Variants in ADGB observed in about 807,000 individuals in gnomAD.
ADGB encodes androglobin.
A neutral mutation model predicts 210.5 loss-of-function variants in ADGB; 172 were observed. The observed-to-expected ratio is 0.82, with a 90% CI of 0.72 to 0.93. The LOEUF (loss-of-function observed/expected upper bound fraction) is 0.93, where lower values mean the gene tolerates loss of function less well. Among genes scored for constraint, ADGB ranks in the 40% least tolerant of loss-of-function variants. The pLI is 0.00. For missense variants in ADGB, 2,025 were observed against 1,964.8 expected (o/e 1.03, Z -0.58); for synonymous variants, 658 against 662.7 (o/e 0.99, Z 0.11).
At chr6:146,749,202 A>T (rs1302138782) in intron 26 of ADGB, among the ~76,000 whole-genome samples, 2 of 152,184 alleles carry the variant, frequency 1.3e-5, no homozygotes, top group Non-Finnish European at 2.9e-5. Context: ...GGAGAAGCTC[A>T]TTTGCAAGGT....
At chr6:146,657,084 C>G in intron 5 of ADGB, 104 bp downstream of exon 5, 1 of 1,065,620 alleles carries the variant, frequency 9.4e-7, no homozygotes, top group Non-Finnish European at 1.4e-6. Flanking sequence ...CTTTGGGAGG[C>G]AAAGGCCAAG....
intron 12 of ADGB, 56 bp from the exon 13 acceptor site, chr6:146,700,885 T>C (rs1776479918): frequency 1.3e-6 from 2 of 1,505,914 alleles, no homozygotes; most frequent in African/African-American, 1.4e-5. Flanking sequence ...TATTTATTAA[T>C]AACTTTAAAC....
At position 146,754,069 on chromosome 6, in the gene ADGB, A is replaced by G. The variant is rs531367602; in HGVS notation, c.3550+1355A>G. Among the ~76,000 whole-genome samples the G allele has an allele frequency of 2.6e-5, 4 of 151,548 alleles. No individual in the cohort carries two copies. In the East Asian group the frequency reaches 7.7e-4, roughly 29 times the overall value. On this transcript the variant is annotated intron_variant, in intron 27 of 35. Transcript: ENST00000397944. The stretch of plus-strand genomic sequence containing the variant: ...AGAGACATTCATTTGTTTTTTCACT[A>G]TATAAGAAAATAATTTCCAAGGTTA...
intron 1 of ADGB, among the ~76,000 whole-genome samples, chr6:146,623,191 T>A (rs184938101): frequency 1.3e-5 from 2 of 152,060 alleles, no homozygotes; most frequent in African/African-American, 4.8e-5. Context: ...AGATTTAGAA[T>A]CAACTTGTCA....
At chr6:146,721,306 T>C in intron 16 of ADGB, 97 bp from the exon 17 acceptor site, 3 of 768,922 alleles carry the variant, frequency 3.9e-6, no homozygotes, top group Non-Finnish European at 6.5e-6. Context: ...GTAAGTTTCC[T>C]GTAACTCTTA....
At chr6:146,803,800 T>A in intron 35 of ADGB, 1 of 522,266 alleles carries the variant, frequency 1.9e-6, no homozygotes, top group Admixed American at 3.6e-5. Flanking sequence ...AGAGCGTCCC[T>A]CGGCTTCTGG....
Position 146,782,016 on chromosome 6 carries a change from C to T in ADGB, c.3863-4C>T. ...CACCATTTTTTATTTTTATGTCTCT[C>T]TAGCTTATGGTGAAAGACACGAGGA... is the stretch of plus-strand genomic sequence containing the variant. On this transcript the variant is annotated splice_region_variant and splice_polypyrimidine_tract_variant and intron_variant, in intron 29 of 35. Coordinates refer to ENST00000397944, the MANE Select transcript of ADGB (RefSeq NM_024694.4). 6.8e-7 allele frequency: 1 copy of T among 1,468,936 alleles called. No homozygotes were observed. The highest frequency in any genetic ancestry group is 9.0e-7 in the Non-Finnish European group (1 of 1,114,894). 91.0% of individuals were successfully genotyped at this position (1,468,936 alleles called of 1,614,324 possible).
chr6:146,700,846 G>T (rs1776479311), intron 12 of ADGB, 95 bp from the exon 13 acceptor site: 3 of 1,366,066 alleles, frequency 2.2e-6, no homozygotes, highest in Non-Finnish European at 3.0e-6. Flanking sequence ...AACACAATCA[G>T]AACTTTCTAT....
At chr6:146,715,534 A>G in intron 14 of ADGB, 119 bp downstream of exon 14, 1 of 614,572 alleles carries the variant, frequency 1.6e-6, no homozygotes. Context: ...GTCTCCTTTG[A>G]TTTGCTGAGT....
chr6:146,792,259 A>C (rs1777965091), intron 33 of ADGB, among the ~76,000 whole-genome samples: 1 of 152,178 alleles, frequency 6.6e-6, no homozygotes, highest in Non-Finnish European at 1.5e-5. Flanking sequence ...TTCTCTGAAG[A>C]ACGACATTAG....
At chr6:146,808,971 C>T (rs542351110) in intron 35 of ADGB, among the ~76,000 whole-genome samples, 197 of 151,882 alleles carry the variant, frequency 1.3e-3, no homozygotes, top group Middle Eastern at 6.8e-3. Context: ...GCGAAGGCCT[C>T]GAGCTGTGGG....
At chr6:146,730,336 C>A (rs1215503745) in intron 20 of ADGB, among the ~76,000 whole-genome samples, 1 of 149,502 alleles carries the variant, frequency 6.7e-6, no homozygotes, top group East Asian at 2.0e-4. Context: ...ACATCACAGA[C>A]AATCTGCTAA....
In ADGB at chr6:146,772,423, T is replaced by TTATATA. The variant is rs146190439; in HGVS notation, c.3862+3300_3862+3305dup. ...TAGTTAAATATATATATTATATTTA[T>TTATATA]TATATATATATATCACACAGCTGGT... On this transcript the variant is annotated intron_variant, in intron 29 of 35. Transcript: ENST00000397944. 1.1e-3 allele frequency among the ~76,000 whole-genome samples: 166 copies of TTATATA among 145,354 alleles called. 2 individuals are homozygous for TTATATA. Among genetic ancestry groups the TTATATA allele is most frequent in the South Asian group, 5.1e-3 (24 of 4,722 alleles).
chr6:146,663,891 T>C (rs1775901974), intron 5 of ADGB, among the ~76,000 whole-genome samples: 1 of 152,140 alleles, frequency 6.6e-6, no homozygotes, highest in Admixed American at 6.6e-5. Flanking sequence ...AATGTTTTGG[T>C]TCTGGTCCTT....
chr6:146,663,186 T>C, intron 5 of ADGB, among the ~76,000 whole-genome samples: 1 of 143,464 alleles, frequency 7.0e-6, no homozygotes, highest in East Asian at 2.0e-4. Context: ...ATATATTATA[T>C]ATAATAATAT....
At chr6:146,804,882 G>T (rs1004666609) in intron 35 of ADGB, among the ~76,000 whole-genome samples, 1 of 152,184 alleles carries the variant, frequency 6.6e-6, no homozygotes, top group Non-Finnish European at 1.5e-5. Context: ...AAATATTTAT[G>T]TTGCATCTAC....
chr6:146,700,960 A>C lies in ADGB; in HGVS notation c.1597A>C (p.Ile533Leu). ...PTEMHFVRSL[I>L]KKGIPPGSDL... ...TTTTAGGCATTTTGTGCGCTCCTTAATTAAGAAAGGAATACCTCCAGGATC... is the reference window on the plus strand; with the variant it reads ...TTTTAGGCATTTTGTGCGCTCCTTACTTAAGAAAGGAATACCTCCAGGATC... Residue 533 changes from isoleucine to leucine, a missense_variant, in exon 13 of 36, where the codon ATT becomes CTT. By Grantham distance (5) the Ile-to-Leu change is conservative. Transcript: ENST00000397944. 1 of 1,550,814 alleles carries C rather than the reference A, an allele frequency of 6.4e-7. No homozygotes were observed. The highest frequency in any genetic ancestry group is 8.7e-7 in the Non-Finnish European group (1 of 1,146,370).
At position 146,691,124 on chromosome 6, in the gene ADGB, T is replaced by C. The variant is rs1458781372; in HGVS notation, c.1320T>C (p.Ser440=). The C allele has an allele frequency of 1.3e-6, 2 of 1,521,302 alleles. No individual in the cohort carries two copies. 94.2% of individuals were successfully genotyped at this position (1,521,302 alleles called of 1,614,324 possible). The part of the protein sequence containing the change: ...KIFSLEKMAD[S]AEKLREYGLS... Reference sequence around the variant, plus strand: ...TACTTTCCATCTTCTAGGCAGATTCTGCTGAGAAACTTAGAGAATATGGGC... The same window carrying C: ...TACTTTCCATCTTCTAGGCAGATTCCGCTGAGAAACTTAGAGAATATGGGC... Residue 440 remains serine, a synonymous_variant, in exon 11 of 36, where the codon TCT becomes TCC. Coordinates refer to ENST00000397944, the MANE Select transcript of ADGB (RefSeq NM_024694.4).
intron 27 of ADGB, among the ~76,000 whole-genome samples, chr6:146,754,543 T>G (rs1486151201): frequency 6.6e-6 from 1 of 151,968 alleles, no homozygotes; most frequent in East Asian, 1.9e-4. Flanking sequence ...TACATATGTT[T>G]TATTATATTT....
Sources: gnomAD v4.1 joint callset for allele counts (sites outside exome capture counted in the v4.1 genomes callset) on GRCh38, gnomAD v4.1.1 for gene constraint, MANE v1.5 for transcripts, NCBI Gene and HGNC (gene_info 2026-07-23, HGNC 2026-07-21) for gene names.